TARBP1: variants seen among roughly 807,000 people sequenced by gnomAD.
TARBP1 encodes the protein tRNA (guanosine(18)-2'-O)-methyltransferase TARBP1.
In TARBP1, 144 loss-of-function variants were observed where a neutral mutation model predicts 178.6. The ratio of observed to expected loss-of-function variants is 0.81; its 90% CI spans 0.70 to 0.93. The LOEUF is 0.93. Among genes scored for constraint, TARBP1 ranks in the 40% least tolerant of loss-of-function variants. TARBP1 has a pLI of 0.00. For missense variants in TARBP1, 2,067 were observed against 2,011.7 expected, an observed-to-expected ratio of 1.03 and a Z score of -0.53; for synonymous variants, 787 against 781.0, an observed-to-expected ratio of 1.01 and a Z score of -0.13.
chr1:234,447,797 G>T (rs935264565), intron 11 of TARBP1, among the ~76,000 whole-genome samples: 3 of 151,566 alleles, frequency 2.0e-5, no homozygotes, highest in African/African-American at 7.3e-5. Flanking sequence ...CTTTATTACC[G>T]TTTTTTTAAT....
At position 234,391,439 on chromosome 1, in the gene TARBP1, T is replaced by C. The variant is rs758758196; in HGVS notation, c.*138A>G. ...TATATAGTAATATGTTTAAGGCACATGGCAAACTTTTGGCATTAAATTGCA... is the reference window on the plus strand; with the variant it reads ...TATATAGTAATATGTTTAAGGCACACGGCAAACTTTTGGCATTAAATTGCA... On this transcript the variant is annotated 3_prime_UTR_variant, in exon 30 of 30. Coordinates refer to ENST00000040877, the MANE Select transcript of TARBP1 (RefSeq NM_005646.4). The C allele has an allele frequency of 3.9e-5, 34 of 881,844 alleles. No individual in the cohort carries two copies. Among genetic ancestry groups the C allele is most frequent in the Non-Finnish European group, 2.5e-5 (15 of 602,040 alleles). The allele number at this position is 881,844 out of a possible 1,614,324, so 54.6% of individuals were successfully genotyped here.
chr1:234,470,470 G>A (rs759597799), intron 3 of TARBP1, among the ~76,000 whole-genome samples: 10 of 152,074 alleles, frequency 6.6e-5, no homozygotes, highest in Non-Finnish European at 1.0e-4. Context: ...AAGGCTGGCC[G>A]TGAGACGATC....
At chr1:234,474,592 C>T (rs1669410309) in intron 1 of TARBP1, among the ~76,000 whole-genome samples, 1 of 152,098 alleles carries the variant, frequency 6.6e-6, no homozygotes, top group African/African-American at 2.4e-5. Flanking sequence ...GAAACAGTTC[C>T]TGTATAAATA....
rs535010347 is a variant in TARBP1, at chr1:234,411,694, T to A, written c.3706-1163A>T. The stretch of plus-strand genomic sequence containing the variant: ...ACTTAATCAGCTATCTTAGGGAAAA[T>A]TTTTTAAGAAGACTGTTCAACTGGA... On this transcript the variant is annotated intron_variant, in intron 22 of 29. Transcript: ENST00000040877. Among the ~76,000 whole-genome samples the A allele has an allele frequency of 1.3e-3, 191 of 152,186 alleles. 2 individuals are homozygous for A. Among genetic ancestry groups the A allele is most frequent in the African/African-American group, 4.3e-3 (177 of 41,528 alleles).
At chr1:234,402,445 T>G (rs1210138133) in intron 24 of TARBP1, among the ~76,000 whole-genome samples, 2 of 152,234 alleles carry the variant, frequency 1.3e-5, no homozygotes, top group African/African-American at 4.8e-5. Context: ...CACCCATTTT[T>G]TGAAAAGTTA....
rs768526466 is a variant in TARBP1, at chr1:234,405,913, G to C, written c.3979C>G (p.His1327Asp). 8 of 1,613,862 alleles carry C rather than the reference G, an allele frequency of 5.0e-6. No individual in the cohort carries two copies. In the African/African-American group the frequency reaches 5.3e-5, roughly 11 times the overall value. Residue 1327 changes from histidine (H) to aspartate (D), a missense_variant, in exon 24 of 30, where the codon CAC (histidine) becomes GAC (aspartate). Coordinates refer to ENST00000040877, the MANE Select transcript of TARBP1 (RefSeq NM_005646.4). ...ACGAGGGCTCCTTACCCTGCTCCGT[G>C]CATGCTTTCCACTTGATGGAGGCTG... ...ESSLHQVESM[H>D]GAGNAKKNWQ... is the part of the protein sequence containing the mutation.
intron 1 of TARBP1, among the ~76,000 whole-genome samples, chr1:234,476,837 CAG>C (rs1669612336): frequency 6.6e-6 from 1 of 152,316 alleles, no homozygotes; most frequent in South Asian, 2.1e-4. Context: ...CTTTCTGTAA[CAG>C]AGGAAATGGG....
In TARBP1 at chr1:234,424,195, C is replaced by A. The variant is rs74147469; in HGVS notation, c.3444+1478G>T. ...TTCTGTAGTCATTCATACATCCACA[C>A]CAAGGTCAGAAAGCAGACCAGGCAC... On this transcript the variant is annotated intron_variant, in intron 20 of 29. Coordinates refer to ENST00000040877, the MANE Select transcript of TARBP1 (RefSeq NM_005646.4). Among the ~76,000 whole-genome samples, 558 of 152,308 alleles carry A rather than the reference C, an allele frequency of 3.7e-3. 2 individuals are homozygous for A. The highest frequency in any genetic ancestry group is 0.026 in the South Asian group (127 of 4,830).
At chr1:234,474,025 G>C (rs920822011) in intron 1 of TARBP1, among the ~76,000 whole-genome samples, 2 of 152,096 alleles carry the variant, frequency 1.3e-5, no homozygotes, top group Non-Finnish European at 2.9e-5. Flanking sequence ...AGGATTGCTT[G>C]AGGCCAGGAG....
At chr1:234,420,662 C>A in intron 21 of TARBP1, 40 bp downstream of exon 21, 2 of 1,318,836 alleles carry the variant, frequency 1.5e-6, no homozygotes, top group East Asian at 2.4e-5. Flanking sequence ...GTCATGAAAT[C>A]ATATGCTTCA....
At chr1:234,419,250 A>C (rs537677741) in intron 21 of TARBP1, among the ~76,000 whole-genome samples, 74 of 152,320 alleles carry the variant, frequency 4.9e-4, no homozygotes, top group African/African-American at 1.7e-3. Context: ...TTAAAGAAGA[A>C]AAATCTATCT....
At chr1:234,449,711 G>A (rs987357477) in intron 10 of TARBP1, among the ~76,000 whole-genome samples, 2 of 152,204 alleles carry the variant, frequency 1.3e-5, no homozygotes, top group African/African-American at 2.4e-5. Context: ...TCCATGGTCA[G>A]ATTAAAGAAA....
At chr1:234,459,447 T>C (rs1667620082) in intron 7 of TARBP1, 121 bp from the exon 8 acceptor site, 2 of 713,954 alleles carry the variant, frequency 2.8e-6, no homozygotes, top group African/African-American at 3.6e-5. Context: ...CTGCAGAATT[T>C]CAAAGCTGTT....
chr1:234,446,974 C>A lies in TARBP1; in HGVS notation c.1963G>T (p.Gly655Ter), dbSNP rs139816698. The A allele has an allele frequency of 6.2e-7, 1 of 1,611,614 alleles. No individual in the cohort carries two copies. Among genetic ancestry groups the A allele is most frequent in the African/African-American group, 1.3e-5 (1 of 74,772 alleles). The change falls in exon 12 of 30, where the codon GGA (glycine) becomes TGA (stop). Residue 655 changes from glycine to a stop codon, truncating the protein, a stop_gained and splice_region_variant. Coordinates refer to ENST00000040877, the MANE Select transcript of TARBP1 (RefSeq NM_005646.4). LOFTEE classifies it high-confidence loss of function. The stretch of plus-strand genomic sequence containing the variant: ...AATACATTCTCTGTTCTCTGCTTTC[C>A]GCTAGACATTAAAAGACATGCCAAA... The part of the protein sequence containing the change: ...DVEGMKTQYS[G>*]KQRTENVLRI...
chr1:234,424,265 T>G (rs1285235530), intron 20 of TARBP1, among the ~76,000 whole-genome samples: 2 of 152,188 alleles, frequency 1.3e-5, no homozygotes, highest in Non-Finnish European at 2.9e-5. Context: ...TATCTGTCAT[T>G]TAAACATTAC....
chr1:234,393,852 G>A lies in TARBP1; in HGVS notation c.4244-15C>T. 1.9e-6 allele frequency: 3 copies of A among 1,575,552 alleles called. No homozygotes were observed. The highest frequency in any genetic ancestry group is 4.5e-5 in the East Asian group (2 of 44,400). On this transcript the variant is annotated splice_polypyrimidine_tract_variant and intron_variant, in intron 26 of 29. Transcript: ENST00000040877. ...CAAATTAGTACCTGGGAAGGAAAAA[G>A]AAAACAATCCCACATATAAATAAAT...
At chr1:234,459,406 T>C in intron 7 of TARBP1, 80 bp from the exon 8 acceptor site, 1 of 1,072,592 alleles carries the variant, frequency 9.3e-7, no homozygotes, top group Non-Finnish European at 1.4e-6. Flanking sequence ...CAAGTTGATT[T>C]ATAACAACTA....
chr1:234,472,663 A>G (rs1403995697), intron 2 of TARBP1, 51 bp downstream of exon 2: 1 of 1,304,426 alleles, frequency 7.7e-7, no homozygotes, highest in African/African-American at 1.5e-5. Context: ...GTTTTTAAAA[A>G]AGAAAAATTG....
At chr1:234,401,863 T>C (rs1369490636) in intron 24 of TARBP1, among the ~76,000 whole-genome samples, 1 of 152,138 alleles carries the variant, frequency 6.6e-6, no homozygotes, top group African/African-American at 2.4e-5. Context: ...CAGCCATGCC[T>C]CACACATCAC....
Sources: gnomAD v4.1 joint callset for allele counts (sites outside exome capture counted in the v4.1 genomes callset) on GRCh38, gnomAD v4.1.1 for gene constraint, MANE v1.5 for transcripts, NCBI Gene and HGNC (gene_info 2026-07-23, HGNC 2026-07-21) for gene names.